Variants in GALNT9 observed in about 807,000 individuals in gnomAD.
GALNT9 encodes the protein polypeptide N-acetylgalactosaminyltransferase 9.
GALNT9 carries 47 observed loss-of-function variants against 63.1 expected under a neutral mutation model. The observed-to-expected ratio is 0.75, with a 90% CI of 0.59 to 0.95. GALNT9 has a LOEUF of 0.95. Ranked by LOEUF, GALNT9 falls within the 40% of genes least tolerant of loss-of-function variation. GALNT9 has a pLI of 0.00. For missense variants in GALNT9, 829 were observed against 874.8 expected (o/e 0.95, Z 0.66); for synonymous variants, 396 against 365.7 (o/e 1.08, Z -0.94).
intron 2 of GALNT9, among the ~76,000 whole-genome samples, chr12:132,285,674 C>T (rs1233362931): frequency 1.3e-5 from 2 of 152,238 alleles, no homozygotes; most frequent in Non-Finnish European, 2.9e-5. Context: ...CCAGGGCTGG[C>T]AGGGCCTGAC....
At chr12:132,208,206 A>G (rs1876807481) in intron 6 of GALNT9, among the ~76,000 whole-genome samples, 1 of 152,114 alleles carries the variant, frequency 6.6e-6, no homozygotes, top group South Asian at 2.1e-4. Flanking sequence ...GGAGACCAAC[A>G]CCTAAGGATC....
At chr12:132,244,149 C>T (rs556786403) in intron 6 of GALNT9, among the ~76,000 whole-genome samples, 3 of 129,534 alleles carry the variant, frequency 2.3e-5, no homozygotes, top group African/African-American at 8.1e-5. Flanking sequence ...CGGGCCAAGA[C>T]AGCCTGCGGT....
In GALNT9 at chr12:132,261,117, G is replaced by C; in HGVS notation, c.592C>G (p.Leu198Val). The C allele has an allele frequency of 6.4e-7, 1 of 1,551,290 alleles. No homozygotes were observed. The highest frequency in any genetic ancestry group is 8.7e-7 in the Non-Finnish European group (1 of 1,146,906). Residue 198 changes from leucine (L) to valine (V), a missense_variant, in exon 4 of 11, where the codon CTC becomes GTC. Physicochemically the swap from Leu to Val is conservative, Grantham distance 32. Transcript: ENST00000328957. ...LVDDNSDNVE[L>V]KFNLDQYVNK... ...ACGTACTGGTCCAGATTGAACTTGA[G>C]TTCCACTGAGGAGAGACAAGACTTT...
At chr12:132,326,036 G>T (rs1490848027) in intron 1 of GALNT9, among the ~76,000 whole-genome samples, 1 of 152,254 alleles carries the variant, frequency 6.6e-6, no homozygotes, top group African/African-American at 2.4e-5. Flanking sequence ...CCCAGGCCTC[G>T]CATGGACACA....
At chr12:132,200,861 T>C (rs976681236) in intron 8 of GALNT9, 1 of 497,166 alleles carries the variant, frequency 2.0e-6, no homozygotes, top group South Asian at 2.3e-5. Context: ...TGGGTGTGTA[T>C]GGACATGTGG....
rs1292250033 is a variant in GALNT9, at chr12:132,282,059, C to T, written c.419+4191G>A. The stretch of plus-strand genomic sequence containing the variant: ...AGAGGAGGAATCAGCTCCACTGCAG[C>T]AAGCCCAGGCCTGGGGGTCCCTGAT... On this transcript the variant is annotated intron_variant, in intron 2 of 10. Transcript: ENST00000328957. The surrounding 1 kb of genome is among the most constrained non-coding windows in gnomAD (Gnocchi z 4.5). Among the ~76,000 whole-genome samples the T allele has an allele frequency of 4.1e-5, 6 of 146,670 alleles. No homozygotes were observed. The highest frequency in any genetic ancestry group is 1.6e-4 in the African/African-American group (6 of 38,320).
intron 8 of GALNT9, chr12:132,200,395 CTG>C (rs938285353): frequency 1.3e-5 from 2 of 152,228 alleles, no homozygotes; most frequent in African/African-American, 4.8e-5. Context: ...GCTGATGGGC[CTG>C]TGTGAGTGTG....
chr12:132,258,456 A>G (rs28644361), intron 4 of GALNT9, among the ~76,000 whole-genome samples: 92,020 of 152,168 alleles, frequency 0.6, 28,504 homozygotes, highest in African/African-American at 0.74. Context: ...TGGAACCTGC[A>G]TGAGTGTGCA....
At chr12:132,258,511 C>T (rs992844011) in intron 4 of GALNT9, among the ~76,000 whole-genome samples, 3 of 152,158 alleles carry the variant, frequency 2.0e-5, no homozygotes, top group Admixed American at 1.3e-4. Context: ...TATAAGCAGT[C>T]GTGGATGTTG....
rs541718658 is a variant in GALNT9, at chr12:132,315,706, C to T, written c.238+13260G>A. 6.6e-6 allele frequency among the ~76,000 whole-genome samples: 1 copy of T among 152,312 alleles called. No individual in the cohort carries two copies. Among genetic ancestry groups the T allele is most frequent in the South Asian group, 2.1e-4 (1 of 4,818 alleles). On this transcript the variant is annotated intron_variant, in intron 1 of 10. Coordinates refer to ENST00000328957, the MANE Select transcript of GALNT9 (RefSeq NM_001122636.2). This position sits in a 1 kb window ranked among gnomAD's most constrained non-coding sequence, Gnocchi z 6.1. ...CCAGTTCTGCCATTACCAGGCTGCGCATCCACACTCAGCCCTGGTGTCCTT... is the reference window on the plus strand; with the variant it reads ...CCAGTTCTGCCATTACCAGGCTGCGTATCCACACTCAGCCCTGGTGTCCTT...
rs1405131906 is a variant in GALNT9 at position 132,197,220 on chromosome 12, A to T, written c.1699T>A (p.Cys567Ser). Reference sequence around the variant, plus strand: ...TCTTTGGACATCTCCACCTCCAGGCAGCGGCCCGTGGCCCGGCTCACAATG... The same window carrying T: ...TCTTTGGACATCTCCACCTCCAGGCTGCGGCCCGTGGCCCGGCTCACAATG... ...GPIVSRATGR[C>S]LEVEMSKDAN... The change falls in exon 11 of 11, where the codon TGC becomes AGC. Residue 567 changes from cysteine (C) to serine (S), a missense_variant. Transcript: ENST00000328957. 1 of 1,613,548 alleles carries T rather than the reference A, an allele frequency of 6.2e-7. No homozygotes were observed. Among genetic ancestry groups the T allele is most frequent in the African/African-American group, 1.3e-5 (1 of 74,934 alleles).
Position 132,212,137 on chromosome 12 carries a change from C to T in GALNT9, c.1078-8447G>A, listed in dbSNP as rs546535226. Among the ~76,000 whole-genome samples the T allele has an allele frequency of 3.5e-3, 523 of 150,908 alleles. 2 individuals carry two copies. Among genetic ancestry groups the T allele is most frequent in the Middle Eastern group, 6.8e-3 (2 of 292 alleles). On this transcript the variant is annotated intron_variant, in intron 6 of 10. Coordinates refer to ENST00000328957, the MANE Select transcript of GALNT9 (RefSeq NM_001122636.2). The stretch of plus-strand genomic sequence containing the variant: ...CAGACCGTGACACGGAAACCCCACC[C>T]GGGTCTACAGCCTTCACACCACGAC...
intron 6 of GALNT9, among the ~76,000 whole-genome samples, chr12:132,209,812 C>T (rs1169762495): frequency 6.6e-6 from 1 of 152,200 alleles, no homozygotes; most frequent in Non-Finnish European, 1.5e-5. Context: ...AATAATCCAT[C>T]CCTTGTTTAG....
intron 1 of GALNT9, among the ~76,000 whole-genome samples, chr12:132,313,400 C>T (rs368500234): frequency 4.0e-5 from 6 of 148,310 alleles, no homozygotes; most frequent in East Asian, 2.1e-4. Context: ...CACCCATCCA[C>T]GCACCCATGT....
At chr12:132,215,751 G>C (rs1466216717) in intron 6 of GALNT9, among the ~76,000 whole-genome samples, 1 of 152,200 alleles carries the variant, frequency 6.6e-6, no homozygotes, top group African/African-American at 2.4e-5. Context: ...AGCAGCCAGT[G>C]GGCATGGGCG....
chr12:132,253,484 C>G (rs937209118), intron 5 of GALNT9, among the ~76,000 whole-genome samples: 7 of 150,552 alleles, frequency 4.6e-5, no homozygotes, highest in South Asian at 4.5e-4. Context: ...TCACAATGTT[C>G]CTTCAGCACC....
rs1341267203 is a variant in GALNT9, at chr12:132,239,279, CAG to C, written c.1077+8629_1077+8630del. Among the ~76,000 whole-genome samples, 21 of 149,020 alleles carry C rather than the reference CAG, an allele frequency of 1.4e-4. No individual in the cohort carries two copies. In the South Asian group the frequency reaches 3.9e-3, roughly 27 times the overall value. On this transcript the variant is annotated intron_variant, in intron 6 of 10. Transcript: ENST00000328957. ...ACTGAGAGACAGAGAGACACAGAGACAGAGACACAGAGAGACAGAGAGAGACA... is the reference window on the plus strand; with the variant it reads ...ACTGAGAGACAGAGAGACACAGAGACAGACACAGAGAGACAGAGAGAGACA...
At chr12:132,255,888 G>A (rs1037495163) in intron 5 of GALNT9, among the ~76,000 whole-genome samples, 6 of 152,096 alleles carry the variant, frequency 3.9e-5, no homozygotes, top group Non-Finnish European at 2.9e-5. Context: ...CATGGAAGCC[G>A]TCCTGGAACT....
chr12:132,295,025 C>T (rs1427726788), intron 1 of GALNT9, among the ~76,000 whole-genome samples: 7 of 152,368 alleles, frequency 4.6e-5, no homozygotes, highest in Admixed American at 2.6e-4. Flanking sequence ...GCCCGGCCTG[C>T]GGCTGCAGGG....
Sources: allele counts gnomAD v4.1 joint callset (sites outside exome capture counted in the v4.1 genomes callset), GRCh38; gene constraint gnomAD v4.1.1; non-coding constraint Gnocchi (gnomAD v3.1); transcripts MANE v1.5; gene names NCBI Gene and HGNC (gene_info 2026-07-23, HGNC 2026-07-21).